LSP1: variants seen among roughly 807,000 people sequenced by gnomAD.
LSP1 encodes the protein lymphocyte specific protein 1.
A neutral mutation model predicts 49.3 loss-of-function variants in LSP1; 32 were observed. The observed-to-expected ratio is 0.65, with a 90% confidence interval of 0.49 to 0.87. The LOEUF (loss-of-function observed/expected upper bound fraction) is 0.87, where lower values mean the gene tolerates loss of function less well. LSP1 is among the 40% of genes least tolerant of loss of function. The probability of loss-of-function intolerance (pLI) is 0.00; values close to 1 mark genes in which losing one functional copy is unlikely to be tolerated. For synonymous variants in LSP1, 179 were observed against 178.8 expected (o/e 1.00, Z -0.01); for missense variants, 428 against 442.6 (o/e 0.97, Z 0.30).
At chr11:1,868,000 C>G (rs996163573) in intron 1 of LSP1, among the ~76,000 whole-genome samples, 3 of 152,210 alleles carry the variant, frequency 2.0e-5, no homozygotes, top group African/African-American at 4.8e-5. Flanking sequence ...CCAATGCCTC[C>G]CTGCCAAGTC....
chr11:1,889,742 C>T (rs966781933), intron 10 of LSP1: 2 of 655,814 alleles, frequency 3.0e-6, no homozygotes, highest in East Asian at 2.7e-5. Flanking sequence ...CCAGGCTGTG[C>T]GGTGAGGACT....
intron 7 of LSP1, 26 bp from the exon 8 acceptor site, chr11:1,886,706 A>T (rs1262947825): frequency 1.9e-6 from 3 of 1,592,140 alleles, no homozygotes; most frequent in Non-Finnish European, 2.6e-6. Flanking sequence ...CACTAAGGTA[A>T]TCCTGATGCT....
intron 1 of LSP1, chr11:1,864,324 G>C: frequency 5.7e-6 from 5 of 877,112 alleles, no homozygotes; most frequent in Non-Finnish European, 6.8e-6. Flanking sequence ...GCCTGGCAGA[G>C]GGCATGAGGC....
chr11:1,878,459 A>T (rs1360879135), intron 1 of LSP1, among the ~76,000 whole-genome samples: 2 of 151,582 alleles, frequency 1.3e-5, no homozygotes, highest in Non-Finnish European at 3.0e-5. Flanking sequence ...GAGGAGCAGG[A>T]CAGGCAGGCG....
intron 2 of LSP1, among the ~76,000 whole-genome samples, chr11:1,880,484 C>T (rs1467410448): frequency 6.6e-6 from 1 of 152,068 alleles, no homozygotes; most frequent in Admixed American, 6.5e-5. Flanking sequence ...GGCCCTTGCT[C>T]GGACCGCCTC....
intron 1 of LSP1, among the ~76,000 whole-genome samples, chr11:1,874,577 C>T (rs1848228659): frequency 6.6e-6 from 1 of 152,058 alleles, no homozygotes; most frequent in Non-Finnish European, 1.5e-5. Context: ...CGGGGCTGGT[C>T]AGAAAGGGCT....
chr11:1,877,547 C>T (rs1339680590), intron 1 of LSP1, among the ~76,000 whole-genome samples: 2 of 152,192 alleles, frequency 1.3e-5, no homozygotes, highest in Non-Finnish European at 2.9e-5. Flanking sequence ...CGTGCCAGGG[C>T]CGGCACCGCC....
At chr11:1,873,935 A>AGAGCAGGGAGCCCGGCG (rs1565079285) in intron 1 of LSP1, among the ~76,000 whole-genome samples, 1 of 56,194 alleles carries the variant, frequency 1.8e-5, no homozygotes, top group African/African-American at 8.2e-5. Context: ...GGAGGCCGGC[A>AGAGCAGGGAGCCCGGCG]GAGGAGGGAG....
intron 1 of LSP1, chr11:1,870,794 G>A: frequency 7.1e-6 from 7 of 989,460 alleles, no homozygotes; most frequent in Non-Finnish European, 8.4e-6. Flanking sequence ...GAAGGAAAGA[G>A]GATGGCAGAG....
intron 4 of LSP1, 139 bp downstream of exon 4, chr11:1,883,699 C>T (rs1327093781): frequency 1.8e-6 from 2 of 1,124,324 alleles, no homozygotes; most frequent in Non-Finnish European, 2.5e-6. Flanking sequence ...CCTTGCAGCC[C>T]CTTCTGGGCC....
At chr11:1,864,848 G>C (rs1847735227) in intron 1 of LSP1, among the ~76,000 whole-genome samples, 1 of 151,700 alleles carries the variant, frequency 6.6e-6, no homozygotes, top group Non-Finnish European at 1.5e-5. Context: ...GTGCCAGAGG[G>C]AGGGACCAGG....
intron 1 of LSP1, chr11:1,869,347 A>AAAAG (rs997139787): frequency 4.2e-5 from 13 of 308,190 alleles, no homozygotes; most frequent in African/African-American, 1.7e-4. Context: ...AGTGACAGAG[A>AAAAG]AAAGAAAGAA....
chr11:1,889,846 C>T, intron 10 of LSP1: 1 of 633,706 alleles, frequency 1.6e-6, no homozygotes, highest in Non-Finnish European at 2.9e-6. Context: ...GGCCGTGGTA[C>T]AGGGGGCTCC....
intron 1 of LSP1, among the ~76,000 whole-genome samples, chr11:1,854,654 G>T (rs906791263): frequency 6.6e-5 from 10 of 152,164 alleles, no homozygotes; most frequent in African/African-American, 2.4e-4. Context: ...GGGTCGGGAC[G>T]TCCGTGCCTG....
At chr11:1,889,770 G>A (rs763193308) in intron 10 of LSP1, 13 of 648,048 alleles carry the variant, frequency 2.0e-5, no homozygotes, top group Middle Eastern at 2.5e-4. Context: ...GCGGCAGGTC[G>A]GGGCTATGGG....
intron 10 of LSP1, chr11:1,889,240 C>A: frequency 1.5e-6 from 1 of 671,876 alleles, no homozygotes; most frequent in Non-Finnish European, 2.8e-6. Flanking sequence ...GGCCGGGTGG[C>A]CTCCTGCAGC....
chr11:1,868,292 C>T (rs886324229), intron 1 of LSP1, among the ~76,000 whole-genome samples: 6 of 152,300 alleles, frequency 3.9e-5, no homozygotes, highest in East Asian at 1.9e-4. Context: ...GCCTGGCAGA[C>T]GTTCTTATCA....
chr11:1,883,540 G>C lies in LSP1; in HGVS notation c.478G>C (p.Ala160Pro), dbSNP rs182693925. The change falls in exon 4 of 11, where the codon GCT becomes CCT. Residue 160 changes from alanine to proline, a missense_variant. Ala to Pro is a conservative substitution (Grantham distance 27, BLOSUM62 -1). Coordinates refer to ENST00000311604, the MANE Select transcript of LSP1 (RefSeq NM_002339.3). ...CCAGGACAACCTGGGGGCCGCAGGG[G>C]CTGAGGAGGAACAGGAGGAGGTGAT... ...TVQDNLGAAGAEEEQEEHQKC... is the reference protein window; with the variant it reads ...TVQDNLGAAGPEEEQEEHQKC... The C allele has an allele frequency of 2.5e-6, 4 of 1,612,654 alleles. No individual in the cohort carries two copies. Among genetic ancestry groups the C allele is most frequent in the Non-Finnish European group, 3.4e-6 (4 of 1,179,626 alleles).
chr11:1,854,237 G>A (rs2133050037), intron 1 of LSP1, among the ~76,000 whole-genome samples: 1 of 152,270 alleles, frequency 6.6e-6, no homozygotes, highest in South Asian at 2.1e-4. Flanking sequence ...AAGGCGCTGG[G>A]GCCCAGGTTG....
Sources: gnomAD v4.1 joint callset for allele counts (sites outside exome capture counted in the v4.1 genomes callset) on GRCh38, gnomAD v4.1.1 for gene constraint, MANE v1.5 for transcripts, NCBI Gene and HGNC (gene_info 2026-07-23, HGNC 2026-07-21) for gene names.